The following SYT7 variants were observed in gnomAD, a reference collection of about 807,000 sequenced individuals.
The protein encoded by SYT7 is synaptotagmin-7.
A neutral mutation model predicts 75.1 loss-of-function variants in SYT7; 29 were observed. The observed-to-expected ratio is 0.39, with a 90% CI of 0.29 to 0.53. The LOEUF is 0.53. Among genes scored for constraint, SYT7 ranks in the 20% least tolerant of loss-of-function variants. The pLI is 0.77. For synonymous variants in SYT7, 376 were observed against 401.7 expected, an observed-to-expected ratio of 0.94 and a Z score of 0.76; for missense variants, 693 against 953.2, an observed-to-expected ratio of 0.73 and a Z score of 3.59.
chr11:61,543,821 C>T (rs1394852065), intron 5 of SYT7, among the ~76,000 whole-genome samples: 1 of 152,240 alleles, frequency 6.6e-6, no homozygotes, highest in African/African-American at 2.4e-5. Flanking sequence ...GCCAGGCTGC[C>T]CCCAGGCACC....
At chr11:61,575,569 C>T (rs573224344) in intron 1 of SYT7, among the ~76,000 whole-genome samples, 2 of 152,358 alleles carry the variant, frequency 1.3e-5, no homozygotes. Context: ...ATGTATGCCA[C>T]ACAGCCAGGT....
At position 61,580,278 on chromosome 11, in the gene SYT7, G is replaced by T. The variant is rs1371504416; in HGVS notation, c.31+512C>A. Among the ~76,000 whole-genome samples, 2 of 150,998 alleles carry T rather than the reference G, an allele frequency of 1.3e-5. No individual in the cohort carries two copies. Among genetic ancestry groups the T allele is most frequent in the Non-Finnish European group, 3.0e-5 (2 of 67,768 alleles). On this transcript the variant is annotated intron_variant, in intron 1 of 12. Coordinates refer to ENST00000539008, the MANE Select transcript of SYT7 (RefSeq NM_001365809.2). The surrounding 1 kb of genome is among the most constrained non-coding windows in gnomAD (Gnocchi z 6.1). ...CCACCCCCCAGAACCTCCCTGCCCA[G>T]CTGCCGCACCAGATTCCCACTTGCC...
At position 61,542,426 on chromosome 11, in the gene SYT7, CT is replaced by C. The variant is rs777033658; in HGVS notation, c.725del (p.Gln242ArgfsTer69). On this transcript the variant is annotated frameshift_variant, in exon 6 of 13. Transcript: ENST00000539008. LOFTEE classifies it high-confidence loss of function. The surrounding 1 kb of genome is among the most constrained non-coding windows in gnomAD (Gnocchi z 7.8). ...GGCCCAGGCTCTGGCTGGTGGTGGG[CT>C]GGCTGGGCTGCCGGCCCCGCTGGTG... ...SQHQRGRQPS[Q>X]PTTSQSLGQL... The C allele has an allele frequency of 1.4e-5, 21 of 1,532,704 alleles. No homozygotes were observed. Among genetic ancestry groups the C allele is most frequent in the Middle Eastern group, 2.2e-4 (1 of 4,542 alleles). The allele number at this position is 1,532,704 out of a possible 1,614,324, so 94.9% of individuals were successfully genotyped here.
chr11:61,569,876 C>T (rs778704488), intron 1 of SYT7, among the ~76,000 whole-genome samples: 40 of 152,318 alleles, frequency 2.6e-4, no homozygotes, highest in South Asian at 2.5e-3. Flanking sequence ...AGTGCCCAGC[C>T]AGCTGGGCCT....
chr11:61,539,118 G>A (rs1433964730), intron 6 of SYT7, among the ~76,000 whole-genome samples: 1 of 152,218 alleles, frequency 6.6e-6, no homozygotes, highest in Non-Finnish European at 1.5e-5. Flanking sequence ...CCAAGGCGGC[G>A]AGAAAGTGCA....
In SYT7 at chr11:61,528,000, C is replaced by T. The variant is rs200398831; in HGVS notation, c.1386G>A (p.Leu462=). The T allele has an allele frequency of 3.1e-6, 5 of 1,614,172 alleles. No individual in the cohort carries two copies. The East Asian group carries it at 8.9e-5, about 29-fold the overall frequency. Residue 462 remains leucine, a synonymous_variant, in exon 9 of 13, where the codon CTG becomes CTA. Transcript: ENST00000539008. ...CCAGCTTGTGCTTCTTGTCGGGCAG[C>T]AGGTAGATCTTGACGAAGGGGTCGC... is the stretch of plus-strand genomic sequence containing the variant. ...GTSDPFVKIY[L]LPDKKHKLET... is the part of the protein sequence containing the mutation.
chr11:61,527,779 G>C, intron 9 of SYT7, 136 bp downstream of exon 9: 2 of 1,023,684 alleles, frequency 2.0e-6, no homozygotes, highest in Non-Finnish European at 2.9e-6. Flanking sequence ...CTGCTTGCAT[G>C]TGTGTTTGTG....
Position 61,523,963 on chromosome 11 carries a change from G to T in SYT7, c.1642-22C>A. 4 of 1,609,500 alleles carry T rather than the reference G, an allele frequency of 2.5e-6. No homozygotes were observed. The highest frequency in any genetic ancestry group is 3.4e-6 in the Non-Finnish European group (4 of 1,175,884). On this transcript the variant is annotated intron_variant, in intron 10 of 12. Transcript: ENST00000539008. The surrounding 1 kb of genome is among the most constrained non-coding windows in gnomAD (Gnocchi z 5.0). Reference sequence around the variant, plus strand: ...TCCCCTGGGAGGCACGACAGGAGGGGTGTGGGGAACTAGGCTAGCAGAGCT... The same window carrying T: ...TCCCCTGGGAGGCACGACAGGAGGGTTGTGGGGAACTAGGCTAGCAGAGCT...
intron 1 of SYT7, among the ~76,000 whole-genome samples, chr11:61,575,605 C>A (rs564562572): frequency 2.6e-5 from 4 of 152,328 alleles, no homozygotes; most frequent in East Asian, 1.9e-4. Context: ...GCAGACGAGG[C>A]CTTCATGGCC....
Position 61,514,061 on chromosome 11 carries a change from G to A in SYT7, c.*4566C>T, listed in dbSNP as rs114587053. 5.4e-3 allele frequency among the ~76,000 whole-genome samples: 822 copies of A among 152,072 alleles called. 4 individuals carry two copies. The highest frequency in any genetic ancestry group is 0.014 in the South Asian group (69 of 4,804). ...GGGCGGTGGTCCCAGGTACAGGGAG[G>A]GGTGGGGGAGCATCTCAGAGCAGGC... On this transcript the variant is annotated 3_prime_UTR_variant, in exon 13 of 13. Coordinates refer to ENST00000539008, the MANE Select transcript of SYT7 (RefSeq NM_001365809.2).
upstream of SYT7, among the ~76,000 whole-genome samples, chr11:61,584,626 G>C (rs193075686): frequency 6.6e-6 from 1 of 152,148 alleles, no homozygotes; most frequent in Non-Finnish European, 1.5e-5. Context: ...GATGAGAGCC[G>C]AGCCAACTGT....
chr11:61,574,552 A>T (rs2064014568), intron 1 of SYT7, among the ~76,000 whole-genome samples: 1 of 151,998 alleles, frequency 6.6e-6, no homozygotes, highest in African/African-American at 2.4e-5. Context: ...TCCCTCTGCA[A>T]AGCACAAAAC....
intron 12 of SYT7, among the ~76,000 whole-genome samples, chr11:61,522,278 C>T (rs1364293133): frequency 6.6e-6 from 1 of 151,178 alleles, no homozygotes; most frequent in Non-Finnish European, 1.5e-5. Context: ...CAACCTCTGC[C>T]TCCTGGGTAC....
intron 9 of SYT7, chr11:61,526,134 C>T (rs888506350): frequency 6.6e-6 from 1 of 152,250 alleles, no homozygotes; most frequent in African/African-American, 2.4e-5. Flanking sequence ...CCCCCAGAGA[C>T]TCTGGAAGCA....
rs746816972 is a variant in SYT7, at chr11:61,556,133, C to T, written c.106G>A (p.Gly36Ser). 5.3e-5 allele frequency: 86 copies of T among 1,613,854 alleles called. No individual in the cohort carries two copies. The highest frequency in any genetic ancestry group is 6.2e-5 in the Non-Finnish European group (73 of 1,179,956). Residue 36 changes from glycine (G) to serine (S), a missense_variant, in exon 2 of 13, where the codon GGC (glycine) becomes AGC (serine). Transcript: ENST00000539008. ...VSLSVTVVLC[G>S]LCHWCQRKLG... is the part of the protein sequence containing the mutation. ...TTGCGCTGACACCAGTGGCAGAGGC[C>T]GCAGAGGACGACAGTGACGCTAAGG...
At chr11:61,554,905 GC>G (rs1319738493) in intron 2 of SYT7, among the ~76,000 whole-genome samples, 2 of 152,210 alleles carry the variant, frequency 1.3e-5, no homozygotes, top group Non-Finnish European at 2.9e-5. Context: ...GGTCGGAGCT[GC>G]CTGAAGTTCA....
intron 1 of SYT7, among the ~76,000 whole-genome samples, chr11:61,578,459 G>A (rs1256468081): frequency 2.6e-5 from 4 of 152,098 alleles, no homozygotes; most frequent in African/African-American, 4.8e-5. Flanking sequence ...GGAGACCAGA[G>A]GGGAGGGGAG....
intron 7 of SYT7, chr11:61,533,497 C>T: frequency 2.0e-6 from 2 of 985,462 alleles, no homozygotes; most frequent in Non-Finnish European, 2.4e-6. Flanking sequence ...CATCCGCCCC[C>T]AGCCTGGAAG....
the SYT7 span, among the ~76,000 whole-genome samples, chr11:61,587,867 G>A: frequency 6.6e-6 from 1 of 152,154 alleles, no homozygotes; most frequent in Non-Finnish European, 1.5e-5. Context: ...AATTACCGCG[G>A]ACCTGAGAGG....
Sources: allele counts gnomAD v4.1 joint callset (sites outside exome capture counted in the v4.1 genomes callset), GRCh38; gene constraint gnomAD v4.1.1; non-coding constraint Gnocchi (gnomAD v3.1); transcripts MANE v1.5; gene names NCBI Gene and HGNC (gene_info 2026-07-23, HGNC 2026-07-21).